PLB1: variants seen among roughly 807,000 people sequenced by gnomAD.
The protein encoded by PLB1 is phospholipase B1, also known as phospholipase B1, membrane-associated.
PLB1 carries 242 observed loss-of-function variants against 227.4 expected under a neutral mutation model. The ratio of observed to expected loss-of-function variants is 1.06; its 90% CI spans 0.96 to 1.18. The LOEUF (loss-of-function observed/expected upper bound fraction) is 1.18, where lower values mean the gene tolerates loss of function less well. PLB1 is among the 50% of genes most tolerant of loss of function. PLB1 has a pLI of 0.00. For synonymous variants in PLB1, 757 were observed against 682.2 expected, an observed-to-expected ratio of 1.11 and a Z score of -1.71; for missense variants, 1,858 against 1,816.3, an observed-to-expected ratio of 1.02 and a Z score of -0.42.
chr2:28,615,647 C>T (rs1175793805), intron 44 of PLB1, among the ~76,000 whole-genome samples: 1 of 152,188 alleles, frequency 6.6e-6, no homozygotes, highest in African/African-American at 2.4e-5. Flanking sequence ...ACCAAATTCC[C>T]TGAGAATTGA....
chr2:28,549,100 G>A (rs935452803), intron 15 of PLB1, among the ~76,000 whole-genome samples, 169 bp downstream of exon 15: 12 of 152,140 alleles, frequency 7.9e-5, no homozygotes, highest in African/African-American at 2.9e-4. Flanking sequence ...GTTTACAGTT[G>A]TGGGCCATGA....
At position 28,626,438 on chromosome 2, in the gene PLB1, TG is replaced by T; in HGVS notation, c.3592del (p.Glu1198ArgfsTer94). 6.2e-7 allele frequency: 1 copy of T among 1,614,068 alleles called. No individual in the cohort carries two copies. The highest frequency in any genetic ancestry group is 1.1e-5 in the South Asian group (1 of 91,084). On this transcript the variant is annotated frameshift_variant, in exon 51 of 58. Coordinates refer to ENST00000327757, the MANE Select transcript of PLB1 (RefSeq NM_153021.5). LOFTEE classifies it high-confidence loss of function. Reference sequence around the variant, plus strand: ...CTTCTGTCCCCTCAGGACATCAACCTGGAGAAAGACTGGAAGCTGGTCACAC... The same window carrying T: ...CTTCTGTCCCCTCAGGACATCAACCTGAGAAAGACTGGAAGCTGGTCACAC... ...ERMKNSPDIN[L>X]EKDWKLVTLF... is the part of the protein sequence containing the mutation.
intron 25 of PLB1, 58 bp from the exon 26 acceptor site, chr2:28,585,701 TCA>T (rs1267282456): frequency 2.2e-6 from 3 of 1,340,312 alleles, no homozygotes; most frequent in Non-Finnish European, 3.2e-6. Context: ...CGTTTCTGCA[TCA>T]CTTATTCAGG....
chr2:28,536,859 C>A (rs1174785640), intron 9 of PLB1, among the ~76,000 whole-genome samples: 1 of 152,064 alleles, frequency 6.6e-6, no homozygotes, highest in Non-Finnish European at 1.5e-5. Context: ...CTGGGTGGGC[C>A]CCAATTCCCT....
intron 1 of PLB1, among the ~76,000 whole-genome samples, chr2:28,502,854 C>G (rs1203444161): frequency 6.6e-6 from 1 of 151,906 alleles, no homozygotes; most frequent in Non-Finnish European, 1.5e-5. Flanking sequence ...GCCATCTGGG[C>G]CTGGAATATT....
intron 9 of PLB1, among the ~76,000 whole-genome samples, chr2:28,535,843 C>A (rs1313999506): frequency 6.6e-6 from 1 of 152,126 alleles, no homozygotes; most frequent in East Asian, 1.9e-4. Context: ...ATCACTAAAC[C>A]CAGGAAGTGG....
chr2:28,581,966 A>T, intron 23 of PLB1, 102 bp from the exon 24 acceptor site: 1 of 1,160,528 alleles, frequency 8.6e-7, no homozygotes, highest in African/African-American at 1.9e-5. Flanking sequence ...ATCTCAAAAA[A>T]AGAAAAAAAA....
intron 46 of PLB1, 171 bp downstream of exon 46, chr2:28,618,570 C>T (rs113756045): frequency 8.3e-5 from 54 of 654,532 alleles, no homozygotes; most frequent in African/African-American, 3.2e-4. Flanking sequence ...TGCCCTGTCT[C>T]GCCACCTTCC....
At chr2:28,573,418 G>C in intron 21 of PLB1, 113 bp downstream of exon 21, 1 of 789,790 alleles carries the variant, frequency 1.3e-6, no homozygotes, top group South Asian at 1.5e-5. Context: ...CAGAGGAAAG[G>C]GTTTCGGGGC....
At chr2:28,601,056 C>T (rs1020583288) in intron 36 of PLB1, among the ~76,000 whole-genome samples, 196 bp downstream of exon 36, 13 of 138,342 alleles carry the variant, frequency 9.4e-5, no homozygotes, top group African/African-American at 4.6e-4. Context: ...CTGGGTACAG[C>T]GACACTGAAA....
At chr2:28,614,153 G>A in intron 44 of PLB1, 57 bp downstream of exon 44, 1 of 1,476,288 alleles carries the variant, frequency 6.8e-7, no homozygotes, top group South Asian at 1.1e-5. Flanking sequence ...ACCTGCCAGG[G>A]GCTCGGGTGT....
intron 26 of PLB1, among the ~76,000 whole-genome samples, chr2:28,589,203 C>T (rs1380269674): frequency 6.6e-6 from 1 of 152,050 alleles, no homozygotes; most frequent in Non-Finnish European, 1.5e-5. Context: ...CTTTTCTTAC[C>T]TTTCCCTTTT....
In PLB1 at chr2:28,598,035, G is replaced by T; in HGVS notation, c.2352G>T (p.Val784=). The T allele has an allele frequency of 6.2e-7, 1 of 1,613,214 alleles. No individual in the cohort carries two copies. The highest frequency in any genetic ancestry group is 8.5e-7 in the Non-Finnish European group (1 of 1,179,376). The change falls in exon 34 of 58, where the codon GTG becomes GTT. Residue 784 remains valine (V), a synonymous_variant. Coordinates refer to ENST00000327757, the MANE Select transcript of PLB1 (RefSeq NM_153021.5). ...GAGGGGACGGCTCCCTGGAGAATGT[G>T]ACCACCTTACCTAGTAAGTAACCAT... ...SAGGDGSLEN[V]TTLPNILREF... is the part of the protein sequence containing the mutation.
At chr2:28,547,890 G>A (rs114153883) in intron 14 of PLB1, among the ~76,000 whole-genome samples, 49 of 151,974 alleles carry the variant, frequency 3.2e-4, no homozygotes, top group East Asian at 9.6e-4. Context: ...ATTCTTTAAC[G>A]GCCTTCACTT....
intron 1 of PLB1, among the ~76,000 whole-genome samples, chr2:28,504,166 G>T (rs1667396156): frequency 6.6e-6 from 1 of 152,046 alleles, no homozygotes; most frequent in African/African-American, 2.4e-5. Context: ...ACAACGTTTG[G>T]CCTGCTCACT....
At position 28,507,248 on chromosome 2, in the gene PLB1, C is replaced by A. The variant is rs147015966; in HGVS notation, c.56-9560C>A. Among the ~76,000 whole-genome samples, 519 of 152,248 alleles carry A rather than the reference C, an allele frequency of 3.4e-3. 2 individuals are homozygous for A. Among genetic ancestry groups the A allele is most frequent in the Middle Eastern group, 0.017 (5 of 294 alleles). On this transcript the variant is annotated intron_variant, in intron 1 of 57. Transcript: ENST00000327757. ...CTGGCTCTGGGTTGGCCTCAGCTGT[C>A]CCTGTCTTAGTCTGTAGTGTGCTGC...
intron 4 of PLB1, among the ~76,000 whole-genome samples, chr2:28,522,312 T>TG (rs1211205627): frequency 1.1e-4 from 16 of 152,056 alleles, no homozygotes; most frequent in Non-Finnish European, 2.1e-4. Context: ...GTAGGCCCAC[T>TG]GAAAGCAGGC....
chr2:28,567,666 G>T (rs1034554145), intron 20 of PLB1, among the ~76,000 whole-genome samples: 1 of 151,884 alleles, frequency 6.6e-6, no homozygotes, highest in Non-Finnish European at 1.5e-5. Flanking sequence ...TAGAGACAGG[G>T]TTTCACCATG....
Position 28,515,848 on chromosome 2 carries a change from A to G in PLB1, c.56-960A>G, listed in dbSNP as rs10165765. ...CTCTGATTAAATCTCAGTATCATTA[A>G]TGTATTGTGTAGCTATTGAAATAAG... is the stretch of plus-strand genomic sequence containing the variant. On this transcript the variant is annotated intron_variant, in intron 1 of 57. Transcript: ENST00000327757. Among the ~76,000 whole-genome samples the G allele has an allele frequency of 7.8e-3, 1,194 of 152,330 alleles. 9 individuals carry two copies. The highest frequency in any genetic ancestry group is 0.027 in the African/African-American group (1,121 of 41,562).
Sources: allele counts gnomAD v4.1 joint callset (sites outside exome capture counted in the v4.1 genomes callset), GRCh38; gene constraint gnomAD v4.1.1; transcripts MANE v1.5; gene names NCBI Gene and HGNC (gene_info 2026-07-23, HGNC 2026-07-21).